The following HECW2 variants were observed in gnomAD, a reference collection of about 807,000 sequenced individuals.
HECW2 encodes E3 ubiquitin-protein ligase HECW2.
Under a neutral mutation model 175.2 loss-of-function variants are expected in HECW2, and 61 were observed. The ratio of observed to expected loss-of-function variants is 0.35; its 90% confidence interval spans 0.28 to 0.43. The LOEUF (loss-of-function observed/expected upper bound fraction) is 0.43. Ranked by LOEUF, HECW2 falls within the 20% of genes least tolerant of loss-of-function variation. The pLI is 1.00. For synonymous variants in HECW2, 671 were observed against 731.0 expected (o/e 0.92, Z 1.32); for missense variants, 1,524 against 2,000.5 (o/e 0.76, Z 4.54).
At chr2:196,396,842 T>C (rs1241200816) in intron 2 of HECW2, among the ~76,000 whole-genome samples, 1 of 150,786 alleles carries the variant, frequency 6.6e-6, no homozygotes, top group African/African-American at 2.4e-5. Context: ...CCGGGTGTGG[T>C]GTCTCACACC....
At chr2:196,530,559 T>A (rs1451775247) in intron 1 of HECW2, among the ~76,000 whole-genome samples, 1 of 152,208 alleles carries the variant, frequency 6.6e-6, no homozygotes, top group Non-Finnish European at 1.5e-5. Flanking sequence ...CTTAATTCCC[T>A]CTTTTCAAAT....
intron 1 of HECW2, among the ~76,000 whole-genome samples, chr2:196,452,480 G>A (rs1014044831): frequency 6.6e-6 from 1 of 152,036 alleles, no homozygotes; most frequent in Non-Finnish European, 1.5e-5. Flanking sequence ...GCCATGTCTG[G>A]GCTTCCTATT....
At chr2:196,526,537 G>C (rs994119887) in intron 1 of HECW2, among the ~76,000 whole-genome samples, 1 of 151,936 alleles carries the variant, frequency 6.6e-6, no homozygotes, top group Non-Finnish European at 1.5e-5. Context: ...GTGTTCCTTT[G>C]GAGGAGGAGA....
chr2:196,525,702 G>C (rs1688615270), intron 1 of HECW2, among the ~76,000 whole-genome samples: 1 of 151,678 alleles, frequency 6.6e-6, no homozygotes, highest in African/African-American at 2.4e-5. Flanking sequence ...GCATTTGCTT[G>C]TCTGTGAAGT....
rs148944122 is a variant in HECW2, at chr2:196,205,177, C to T, written c.4608-3789G>A. ...TAAACAGCTCCTCTGGAAAATATTTCGCGATGATGGGGAAAGCATATATTG... is the reference window on the plus strand; with the variant it reads ...TAAACAGCTCCTCTGGAAAATATTTTGCGATGATGGGGAAAGCATATATTG... On this transcript the variant is annotated intron_variant, in intron 28 of 28. Coordinates refer to ENST00000644978, the MANE Select transcript of HECW2 (RefSeq NM_001348768.2). 2.7e-3 allele frequency among the ~76,000 whole-genome samples: 408 copies of T among 152,246 alleles called. 1 individual carries two copies. Among genetic ancestry groups the T allele is most frequent in the Non-Finnish European group, 5.0e-3 (338 of 68,018 alleles).
intron 10 of HECW2, among the ~76,000 whole-genome samples, chr2:196,312,530 T>C (rs1691536569): frequency 6.6e-6 from 1 of 152,178 alleles, no homozygotes; most frequent in Non-Finnish European, 1.5e-5. Flanking sequence ...AGTACAAAAG[T>C]AGGCTAAACT....
In HECW2 at chr2:196,593,525, C is replaced by T. The variant is rs1691292387; in HGVS notation, c.-53G>A. The T allele has an allele frequency of 1.3e-5, 2 of 152,350 alleles. No homozygotes were observed. Among genetic ancestry groups the T allele is most frequent in the South Asian group, 4.1e-4 (2 of 4,834 alleles). 9.4% of individuals were successfully genotyped at this position (152,350 alleles called of 1,614,324 possible). A position where few individuals can be genotyped will look rare whatever the true frequency, so the allele number is the denominator to read the frequency against. On this transcript the variant is annotated 5_prime_UTR_variant, in exon 1 of 29. Transcript: ENST00000644978. ...CTCCTCACCTCCAGCCGCGCCGGCGCCCTTCCCGCTAGACGCTTCGGCGGC... is the reference window on the plus strand; with the variant it reads ...CTCCTCACCTCCAGCCGCGCCGGCGTCCTTCCCGCTAGACGCTTCGGCGGC...
chr2:196,237,803 GT>G (rs1251225267), intron 21 of HECW2, among the ~76,000 whole-genome samples: 1 of 152,080 alleles, frequency 6.6e-6, no homozygotes, highest in African/African-American at 2.4e-5. Flanking sequence ...TGGCTCCTGG[GT>G]TTTTTCAACA....
At chr2:196,258,188 C>T (rs1205373034) in intron 17 of HECW2, 1 of 346,274 alleles carries the variant, frequency 2.9e-6, no homozygotes, top group East Asian at 5.5e-5. Context: ...AAATAGTATA[C>T]TATTCAACCA....
chr2:196,403,758 G>C (rs1366359630), intron 2 of HECW2, among the ~76,000 whole-genome samples: 1 of 152,186 alleles, frequency 6.6e-6, no homozygotes, highest in African/African-American at 2.4e-5. Context: ...CAGGGAAGAA[G>C]AATGACCTCA....
At chr2:196,243,090 A>G (rs929330717) in intron 19 of HECW2, among the ~76,000 whole-genome samples, 6 of 152,164 alleles carry the variant, frequency 3.9e-5, no homozygotes, top group African/African-American at 1.2e-4. Flanking sequence ...AATATAACAC[A>G]TAATTGCAAA....
At chr2:196,458,546 T>C (rs1157574690) in intron 1 of HECW2, among the ~76,000 whole-genome samples, 2 of 151,986 alleles carry the variant, frequency 1.3e-5, no homozygotes, top group Non-Finnish European at 2.9e-5. Flanking sequence ...AAGCTCCAGA[T>C]GGAAAACTGT....
At chr2:196,583,596 T>C (rs1690870695) in intron 1 of HECW2, among the ~76,000 whole-genome samples, 2 of 152,320 alleles carry the variant, frequency 1.3e-5, no homozygotes, top group African/African-American at 2.4e-5. Flanking sequence ...AGGAAGAAAG[T>C]TCTGAGATGA....
At chr2:196,291,280 C>T (rs560868918) in intron 14 of HECW2, 31 of 152,306 alleles carry the variant, frequency 2.0e-4, no homozygotes, top group African/African-American at 6.3e-4. Flanking sequence ...ACATCCTCCC[C>T]AACCACCCTC....
intron 2 of HECW2, among the ~76,000 whole-genome samples, chr2:196,344,675 G>T (rs1218952960): frequency 6.6e-6 from 1 of 152,166 alleles, no homozygotes; most frequent in African/African-American, 2.4e-5. Flanking sequence ...ACAATTTGGA[G>T]TTTTATAGGC....
intron 4 of HECW2, among the ~76,000 whole-genome samples, chr2:196,330,852 T>C (rs10172896): frequency 0.042 from 6,451 of 152,276 alleles, 493 homozygotes; most frequent in African/African-American, 0.15. Flanking sequence ...GCCAATTCTA[T>C]ATTGAGTTCT....
intron 2 of HECW2, among the ~76,000 whole-genome samples, chr2:196,352,291 T>C (rs893788487): frequency 6.6e-6 from 1 of 152,110 alleles, no homozygotes; most frequent in Non-Finnish European, 1.5e-5. Context: ...ACCAGAATGA[T>C]TTGCTGAGAA....
At chr2:196,262,190 T>C (rs1214563134) in intron 17 of HECW2, among the ~76,000 whole-genome samples, 1 of 152,140 alleles carries the variant, frequency 6.6e-6, no homozygotes, top group African/African-American at 2.4e-5. Context: ...CACACCCAGC[T>C]AATTTTTAAA....
Position 196,503,810 on chromosome 2 carries a change from C to T in HECW2, c.-35-70352G>A, listed in dbSNP as rs570869246. ...AAACACAAAAGTTTCAAAAATAAGC[C>T]GCAGCATTTTAAAAGTTGTTTATTA... On this transcript the variant is annotated intron_variant, in intron 1 of 28. Transcript: ENST00000644978. Among the ~76,000 whole-genome samples, 12 of 152,284 alleles carry T rather than the reference C, an allele frequency of 7.9e-5. 1 individual carries two copies. In the South Asian group the frequency reaches 1.2e-3, roughly 16 times the overall value.
Sources: gnomAD v4.1 joint callset for allele counts (sites outside exome capture counted in the v4.1 genomes callset) on GRCh38, gnomAD v4.1.1 for gene constraint, MANE v1.5 for transcripts, NCBI Gene and HGNC (gene_info 2026-07-23, HGNC 2026-07-21) for gene names.